The following SLC38A11 variants were observed in gnomAD, a reference collection of about 807,000 sequenced individuals.
SLC38A11 encodes the protein solute carrier family 38 member 11.
In SLC38A11, 51 loss-of-function variants were observed where a neutral mutation model predicts 49.4. That is an observed-to-expected ratio of 1.03 (90% CI 0.83 to 1.30). The LOEUF (loss-of-function observed/expected upper bound fraction) is 1.30, where lower values mean the gene tolerates loss of function less well. SLC38A11 is among the 50% of genes most tolerant of loss of function. SLC38A11 has a pLI of 0.00. For synonymous variants in SLC38A11, 203 were observed against 192.9 expected (o/e 1.05, Z -0.43); for missense variants, 574 against 556.2 (o/e 1.03, Z -0.32).
chr2:164,895,522 A>G lies in SLC38A11; in HGVS notation c.*2915T>C, dbSNP rs1034365705. ...AGGAGGAGACCTGTTCTCTTCAATA[A>G]ATGTATCTTTAATTAAGTAGATGTG... On this transcript the variant is annotated 3_prime_UTR_variant, in exon 12 of 12. Coordinates refer to ENST00000685975, the MANE Select transcript of SLC38A11 (RefSeq NM_001351537.2). Among the ~76,000 whole-genome samples, 1 of 152,186 alleles carries G rather than the reference A, an allele frequency of 6.6e-6. No homozygotes were observed. The highest frequency in any genetic ancestry group is 1.5e-5 in the Non-Finnish European group (1 of 68,030).
intron 6 of SLC38A11, among the ~76,000 whole-genome samples, chr2:164,938,544 T>A (rs558793064): frequency 6.6e-6 from 1 of 152,310 alleles, no homozygotes; most frequent in South Asian, 2.1e-4. Flanking sequence ...TGGAAAATAG[T>A]TCAATCATTT....
chr2:164,911,053 A>G (rs1211036837), intron 10 of SLC38A11, among the ~76,000 whole-genome samples: 1 of 151,892 alleles, frequency 6.6e-6, no homozygotes, highest in Non-Finnish European at 1.5e-5. Flanking sequence ...TATGTTATGT[A>G]TAGTTGTAAA....
rs774126014 is a variant in SLC38A11, at chr2:164,945,622, G to A, written c.335C>T (p.Ser112Phe). 1.0e-5 allele frequency: 16 copies of A among 1,607,182 alleles called. No homozygotes were observed. Among genetic ancestry groups the A allele is most frequent in the Non-Finnish European group, 1.1e-5 (13 of 1,178,612 alleles). ...AAAAGGATACAAAAACTGAAGAACA[G>A]AGAGGAGCAGATACCCTGGAAAGCC... ...TFGFPGYLLL[S>F]VLQFLYPFIA... The change falls in exon 4 of 12, where the codon TCT (serine) becomes TTT (phenylalanine). Residue 112 changes from serine to phenylalanine, a missense_variant. Transcript: ENST00000685975.
At chr2:164,901,680 A>T (rs1684658692) in intron 11 of SLC38A11, among the ~76,000 whole-genome samples, 1 of 152,206 alleles carries the variant, frequency 6.6e-6, no homozygotes, top group Non-Finnish European at 1.5e-5. Context: ...TTCCACATAT[A>T]GAATCATGTC....
intron 7 of SLC38A11, among the ~76,000 whole-genome samples, chr2:164,926,598 G>A (rs769168672): frequency 3.3e-5 from 5 of 151,970 alleles, no homozygotes; most frequent in Non-Finnish European, 7.4e-5. Context: ...CAATAGCAAA[G>A]ACTTGGAACC....
At position 164,897,125 on chromosome 2, in the gene SLC38A11, A is replaced by T. The variant is rs1321154627; in HGVS notation, c.*1312T>A. ...AAGATTGTCATACATACAAAGACAC[A>T]AAGTCCTCATTAAAAAATCATTTAA... On this transcript the variant is annotated 3_prime_UTR_variant, in exon 12 of 12. Coordinates refer to ENST00000685975, the MANE Select transcript of SLC38A11 (RefSeq NM_001351537.2). 2.0e-5 allele frequency: 3 copies of T among 152,170 alleles called. No individual in the cohort carries two copies. Among genetic ancestry groups the T allele is most frequent in the East Asian group, 3.8e-4 (2 of 5,198 alleles). The allele number at this position is 152,170 out of a possible 1,614,324, so 9.4% of individuals were successfully genotyped here.
chr2:164,937,358 A>G lies in SLC38A11; in HGVS notation c.609T>C (p.Gly203=). Residue 203 remains glycine (G), a synonymous_variant, in exon 7 of 12, where the codon GGT becomes GGC. Transcript: ENST00000685975. ...GIVMARAISL[G]PHIPKTEDAW... is the part of the protein sequence containing the mutation. Reference sequence around the variant, plus strand: ...ATAACAACATAACTTACATGTGTGGACCCAGTGAAATTGCCCTTGCCATTA... The same window carrying G: ...ATAACAACATAACTTACATGTGTGGGCCCAGTGAAATTGCCCTTGCCATTA... 6.2e-7 allele frequency: 1 copy of G among 1,606,250 alleles called. No individual in the cohort carries two copies. The highest frequency in any genetic ancestry group is 8.5e-7 in the Non-Finnish European group (1 of 1,173,318).
chr2:164,940,269 T>C (rs1687674987), intron 5 of SLC38A11, among the ~76,000 whole-genome samples: 1 of 148,004 alleles, frequency 6.8e-6, no homozygotes, highest in Non-Finnish European at 1.5e-5. Context: ...ACATATATAA[T>C]TATATGTGTT....
chr2:164,921,201 T>C (rs966077011), intron 7 of SLC38A11, among the ~76,000 whole-genome samples: 1 of 152,192 alleles, frequency 6.6e-6, no homozygotes, highest in Admixed American at 6.5e-5. Flanking sequence ...GAAATAGAGA[T>C]GTGAATGCCA....
At chr2:164,945,863 G>T (rs374771848) in intron 3 of SLC38A11, 136 bp from the exon 4 acceptor site, 98 of 902,198 alleles carry the variant, frequency 1.1e-4, no homozygotes, top group East Asian at 8.3e-4. Context: ...AGCAGAGCCA[G>T]GCTAACTTTC....
intron 7 of SLC38A11, among the ~76,000 whole-genome samples, chr2:164,920,545 CGAG>C (rs67807169): frequency 0.55 from 82,064 of 150,062 alleles, 23,293 homozygotes; most frequent in East Asian, 0.69. Context: ...AAGAGATATC[CGAG>C]GAGAAGACAC....
chr2:164,915,076 T>G (rs1559097092), intron 9 of SLC38A11, 36 bp downstream of exon 9: 1 of 1,561,694 alleles, frequency 6.4e-7, no homozygotes, highest in Non-Finnish European at 8.7e-7. Context: ...CCTGTACCAA[T>G]GCACATGAAC....
intron 3 of SLC38A11, 147 bp downstream of exon 3, chr2:164,952,560 C>A: frequency 1.5e-6 from 1 of 678,042 alleles, no homozygotes. Flanking sequence ...TCTCCTCAGG[C>A]ATAAATGCTT....
chr2:164,903,460 T>C (rs1324202068), intron 11 of SLC38A11, among the ~76,000 whole-genome samples: 1 of 152,194 alleles, frequency 6.6e-6, no homozygotes, highest in East Asian at 1.9e-4. Context: ...ATAGCTCATA[T>C]TTCTACTGGA....
Position 164,895,762 on chromosome 2 carries a change from A to C in SLC38A11, c.*2675T>G, listed in dbSNP as rs1684368421. On this transcript the variant is annotated 3_prime_UTR_variant, in exon 12 of 12. Coordinates refer to ENST00000685975, the MANE Select transcript of SLC38A11 (RefSeq NM_001351537.2). ...CAGATGAGATCTGGTGCGTTCAGGA[A>C]GGTATGGTCATAGACAGTTTACCCA... The C allele has an allele frequency of 6.6e-6, 1 of 152,206 alleles. No homozygotes were observed. Among genetic ancestry groups the C allele is most frequent in the Admixed American group, 6.6e-5 (1 of 15,262 alleles). 9.4% of individuals were successfully genotyped at this position (152,206 alleles called of 1,614,324 possible). A position where few individuals can be genotyped will look rare whatever the true frequency, so the allele number is the denominator to read the frequency against.
At chr2:164,948,423 G>C (rs1688286548) in intron 3 of SLC38A11, among the ~76,000 whole-genome samples, 1 of 152,166 alleles carries the variant, frequency 6.6e-6, no homozygotes, top group Admixed American at 6.5e-5. Flanking sequence ...AGAGGTAGGT[G>C]CTGGTTATCA....
chr2:164,934,030 G>C (rs1374877480), intron 7 of SLC38A11, among the ~76,000 whole-genome samples: 1 of 152,044 alleles, frequency 6.6e-6, no homozygotes, highest in Non-Finnish European at 1.5e-5. Context: ...GCCACATTTT[G>C]TTGACAACAG....
At chr2:164,943,613 A>G (rs139591452) in intron 5 of SLC38A11, among the ~76,000 whole-genome samples, 1 of 152,270 alleles carries the variant, frequency 6.6e-6, no homozygotes, top group Non-Finnish European at 1.5e-5. Flanking sequence ...TTTGACTACA[A>G]AGGGAAATGG....
Position 164,937,341 on chromosome 2 carries a change from A to G in SLC38A11, c.617+9T>C. 3.8e-6 allele frequency: 6 copies of G among 1,582,614 alleles called. No homozygotes were observed. Among genetic ancestry groups the G allele is most frequent in the South Asian group, 1.1e-5 (1 of 90,244 alleles). ...ATCAAAGACTGACAAATATAACAAC[A>G]TAACTTACATGTGTGGACCCAGTGA... is the stretch of plus-strand genomic sequence containing the variant. On this transcript the variant is annotated intron_variant, in intron 7 of 11. Coordinates refer to ENST00000685975, the MANE Select transcript of SLC38A11 (RefSeq NM_001351537.2).
Sources: allele counts gnomAD v4.1 joint callset (sites outside exome capture counted in the v4.1 genomes callset), GRCh38; gene constraint gnomAD v4.1.1; transcripts MANE v1.5; gene names NCBI Gene and HGNC (gene_info 2026-07-23, HGNC 2026-07-21).